RRAGC: variants seen among roughly 807,000 people sequenced by gnomAD.
RRAGC encodes Ras related GTP binding C, also known as ras-related GTP-binding protein C.
Under a neutral mutation model 37.1 loss-of-function variants are expected in RRAGC, and 8 were observed. That is an observed-to-expected ratio of 0.22 (90% CI 0.13 to 0.39). The LOEUF is 0.39. Ranked by LOEUF, RRAGC falls within the 10% of genes least tolerant of loss-of-function variation. The probability of loss-of-function intolerance (pLI) is 1.00; values close to 1 mark genes in which losing one functional copy is unlikely to be tolerated. For synonymous variants in RRAGC, 190 were observed against 181.1 expected, an observed-to-expected ratio of 1.05 and a Z score of -0.39; for missense variants, 342 against 497.6, an observed-to-expected ratio of 0.69 and a Z score of 2.98.
chr1:38,848,033 CAAAAAAAAAA>C (rs11408162), intron 5 of RRAGC: 1 of 110,514 alleles, frequency 9.0e-6, no homozygotes, highest in Non-Finnish European at 1.9e-5. Flanking sequence ...GACCCTATCT[CAAAAAAAAAA>C]AAAAAAAAGG....
chr1:38,838,362 G>C lies in RRAGC; in HGVS notation c.*1191C>G, dbSNP rs763943937. 1 of 152,196 alleles carries C rather than the reference G, an allele frequency of 6.6e-6. No individual in the cohort carries two copies. The highest frequency in any genetic ancestry group is 2.1e-4 in the South Asian group (1 of 4,830). The allele number at this position is 152,196 out of a possible 1,614,324, so 9.4% of individuals were successfully genotyped here. On this transcript the variant is annotated 3_prime_UTR_variant, in exon 7 of 7. Transcript: ENST00000373001. ...TCCAAGTCACACTGTTAGCTTTACA[G>C]ACCTGAATATACATATTGCATTAAA...
At chr1:38,858,866 C>G (rs1381098371) in intron 1 of RRAGC, among the ~76,000 whole-genome samples, 1 of 152,252 alleles carries the variant, frequency 6.6e-6, no homozygotes, top group Non-Finnish European at 1.5e-5. Context: ...CAGGCCACAA[C>G]TACTGAAATG....
Position 38,839,682 on chromosome 1 carries a change from G to A in RRAGC, c.1071C>T (p.His357=), listed in dbSNP as rs766556826. The A allele has an allele frequency of 1.2e-6, 2 of 1,614,176 alleles. No homozygotes were observed. Among genetic ancestry groups the A allele is most frequent in the East Asian group, 4.5e-5 (2 of 44,884 alleles). Residue 357 remains histidine (H), a synonymous_variant, in exon 7 of 7, where the codon CAC becomes CAT. Coordinates refer to ENST00000373001, the MANE Select transcript of RRAGC (RefSeq NM_022157.4). ...ERKGLIDYNF[H]CFRKAIHEVF... ...CCTCATGAATAGCTTTTCGGAAACA[G>A]TGGAAGTTGTAGTCTATTAAACCTG...
chr1:38,841,279 G>T (rs1459532878), intron 6 of RRAGC, among the ~76,000 whole-genome samples: 2 of 152,116 alleles, frequency 1.3e-5, no homozygotes, highest in African/African-American at 4.8e-5. Context: ...AAGTGTGTGG[G>T]AATGAGGGCT....
intron 3 of RRAGC, among the ~76,000 whole-genome samples, chr1:38,854,651 T>C (rs968744519): frequency 6.6e-6 from 1 of 152,194 alleles, no homozygotes; most frequent in Non-Finnish European, 1.5e-5. Context: ...CATTGCTGAA[T>C]TTTTATTTTT....
chr1:38,845,567 A>G (rs368430874), intron 6 of RRAGC, among the ~76,000 whole-genome samples: 15 of 152,316 alleles, frequency 9.8e-5, no homozygotes, highest in African/African-American at 3.6e-4. Flanking sequence ...TGGCACATAT[A>G]TACCTATGTA....
intron 6 of RRAGC, among the ~76,000 whole-genome samples, chr1:38,842,671 AC>A (rs1184268398): frequency 6.6e-6 from 1 of 152,192 alleles, no homozygotes; most frequent in Non-Finnish European, 1.5e-5. Flanking sequence ...CTAAAGGCAT[AC>A]CCTAGAGAAA....
chr1:38,849,943 A>G (rs545540020), intron 5 of RRAGC, among the ~76,000 whole-genome samples: 10 of 152,246 alleles, frequency 6.6e-5, no homozygotes, highest in African/African-American at 2.4e-4. Context: ...ATGGTGGCTC[A>G]TGCCTGTAAT....
At chr1:38,853,654 G>T (rs1236043833) in intron 3 of RRAGC, among the ~76,000 whole-genome samples, 3 of 152,078 alleles carry the variant, frequency 2.0e-5, no homozygotes, top group Admixed American at 2.0e-4. Flanking sequence ...GGCTCAGGCA[G>T]GAGAATCGCT....
At position 38,859,700 on chromosome 1, in the gene RRAGC, G is replaced by GGCCGCCGCCTCCCCAGTCC; in HGVS notation, c.-73_-55dup. The GGCCGCCGCCTCCCCAGTCC allele has an allele frequency of 7.4e-7, 1 of 1,352,514 alleles. No homozygotes were observed. Among genetic ancestry groups the GGCCGCCGCCTCCCCAGTCC allele is most frequent in the Non-Finnish European group, 9.5e-7 (1 of 1,047,930 alleles). The allele number at this position is 1,352,514 out of a possible 1,614,324, so 83.8% of individuals were successfully genotyped here. A position where few individuals can be genotyped will look rare whatever the true frequency, so the allele number is the denominator to read the frequency against. On this transcript the variant is annotated 5_prime_UTR_variant, in exon 1 of 7. Coordinates refer to ENST00000373001, the MANE Select transcript of RRAGC (RefSeq NM_022157.4). ...TGACAGGCCAGGCCAGGCCGAGCCA[G>GGCCGCCGCCTCCCCAGTCC]GCCGCCGCCTCCCCAGTCCGCCTCC...
At chr1:38,841,124 G>C (rs1641957821) in intron 6 of RRAGC, among the ~76,000 whole-genome samples, 1 of 152,110 alleles carries the variant, frequency 6.6e-6, no homozygotes, top group Non-Finnish European at 1.5e-5. Flanking sequence ...CTATAATTTT[G>C]ATAACTACTG....
At chr1:38,853,071 G>A (rs1468412945) in intron 3 of RRAGC, among the ~76,000 whole-genome samples, 1 of 152,206 alleles carries the variant, frequency 6.6e-6, no homozygotes, top group Non-Finnish European at 1.5e-5. Context: ...CCAGGGGAAA[G>A]AGACTTTGTC....
intron 2 of RRAGC, 33 bp downstream of exon 2, chr1:38,856,846 C>T: frequency 6.3e-7 from 1 of 1,590,024 alleles, no homozygotes; most frequent in Non-Finnish European, 8.6e-7. Context: ...CTTTTTCCCA[C>T]CAGGAAAGAG....
Position 38,842,133 on chromosome 1 carries a change from GT to G in RRAGC, c.1049-2430del, listed in dbSNP as rs1332859651. On this transcript the variant is annotated intron_variant, in intron 6 of 6. Transcript: ENST00000373001. ...TAAAAATACAAAAAATTAGCCAGGCGTGCAGGCGGGCGCCTGTAGTCCCAGC... is the reference window on the plus strand; with the variant it reads ...TAAAAATACAAAAAATTAGCCAGGCGGCAGGCGGGCGCCTGTAGTCCCAGC... Among the ~76,000 whole-genome samples the G allele has an allele frequency of 4.6e-5, 7 of 152,154 alleles. No individual in the cohort carries two copies. In the South Asian group the frequency reaches 1.0e-3, roughly 23 times the overall value.
Position 38,839,537 on chromosome 1 carries a change from G to A in RRAGC, c.*16C>T, listed in dbSNP as rs539521742. ...GAAGAGTAAGCTGGCACAGAGCCCCGACGCTGGGATTCAGACTAGATGGCG... is the reference window on the plus strand; with the variant it reads ...GAAGAGTAAGCTGGCACAGAGCCCCAACGCTGGGATTCAGACTAGATGGCG... On this transcript the variant is annotated 3_prime_UTR_variant, in exon 7 of 7. Transcript: ENST00000373001. 390 of 1,613,418 alleles carry A rather than the reference G, an allele frequency of 2.4e-4. 1 individual carries two copies. In the South Asian group the frequency reaches 2.5e-3, roughly 10 times the overall value.
rs1641920886 is a variant in RRAGC at position 38,839,287 on chromosome 1, C to T, written c.*266G>A. Reference sequence around the variant, plus strand: ...AATATCCCAACTACTTAAAGGGGACCCAAAAGAGGAGAAACACACACTTGA... The same window carrying T: ...AATATCCCAACTACTTAAAGGGGACTCAAAAGAGGAGAAACACACACTTGA... On this transcript the variant is annotated 3_prime_UTR_variant, in exon 7 of 7. Transcript: ENST00000373001. 1 of 345,336 alleles carries T rather than the reference C, an allele frequency of 2.9e-6. No homozygotes were observed. Among genetic ancestry groups the T allele is most frequent in the South Asian group, 1.1e-4 (1 of 9,266 alleles). The allele number at this position is 345,336 out of a possible 1,614,324, so 21.4% of individuals were successfully genotyped here.
intron 3 of RRAGC, among the ~76,000 whole-genome samples, chr1:38,853,880 A>G (rs1642133004): frequency 6.6e-6 from 1 of 152,094 alleles, no homozygotes; most frequent in South Asian, 2.1e-4. Context: ...GGGAGAAAGG[A>G]ATATTTTAGT....
chr1:38,840,147 CA>C (rs397939319), intron 6 of RRAGC, among the ~76,000 whole-genome samples: 391 of 45,108 alleles, frequency 8.7e-3, no homozygotes, highest in Middle Eastern at 0.026. Flanking sequence ...GACTCCAACT[CA>C]AAAAAAAAAA....
chr1:38,853,714 T>G, intron 3 of RRAGC, among the ~76,000 whole-genome samples: 1 of 146,978 alleles, frequency 6.8e-6, no homozygotes, highest in South Asian at 2.2e-4. Flanking sequence ...ATCATTGCAC[T>G]CCAGCCTGGG....
Sources: gnomAD v4.1 joint callset for allele counts (sites outside exome capture counted in the v4.1 genomes callset) on GRCh38, gnomAD v4.1.1 for gene constraint, MANE v1.5 for transcripts, NCBI Gene and HGNC (gene_info 2026-07-23, HGNC 2026-07-21) for gene names.